NOL4L: variants seen among roughly 807,000 people sequenced by gnomAD.
NOL4L encodes the protein nucleolar protein 4-like.
NOL4L carries 7 observed loss-of-function variants against 64.5 expected under a neutral mutation model. That is an observed-to-expected ratio of 0.11 (90% CI 0.06 to 0.20). The LOEUF (loss-of-function observed/expected upper bound fraction) is 0.20. Among genes scored for constraint, NOL4L ranks in the 10% least tolerant of loss-of-function variants. The pLI is 1.00. For missense variants in NOL4L, 680 were observed against 967.1 expected (o/e 0.70, Z 3.94); for synonymous variants, 413 against 401.0 (o/e 1.03, Z -0.36).
chr20:32,536,246 G>A (rs2018518668), intron 1 of NOL4L: 9 of 985,448 alleles, frequency 9.1e-6, no homozygotes, highest in Middle Eastern at 5.2e-4. Context: ...CCGAAGGGGG[G>A]GTCCTAGGCG....
intron 1 of NOL4L, among the ~76,000 whole-genome samples, chr20:32,566,561 G>A (rs552770330): frequency 6.6e-6 from 1 of 152,248 alleles, no homozygotes; most frequent in South Asian, 2.1e-4. Context: ...TGGCCTCCTT[G>A]CAGTTCCTCA....
intron 10 of NOL4L, among the ~76,000 whole-genome samples, chr20:32,451,023 G>A (rs1461682789): frequency 2.6e-5 from 4 of 152,152 alleles, no homozygotes; most frequent in African/African-American, 4.8e-5. Context: ...AGGCAGCCTG[G>A]GCTTCCTGCC....
At chr20:32,485,058 CAAAAAAAAAAAAAAA>C (rs57444583) in intron 4 of NOL4L, among the ~76,000 whole-genome samples, 9 of 17,808 alleles carry the variant, frequency 5.1e-4, no homozygotes, top group East Asian at 5.3e-3. Flanking sequence ...GGGAAATTGC[CAAAAAAAAAAAAAAA>C]AAAAAAAAAA....
chr20:32,497,415 G>A (rs293552), intron 4 of NOL4L, among the ~76,000 whole-genome samples: 18,030 of 152,156 alleles, frequency 0.12, 1,594 homozygotes, highest in African/African-American at 0.24. Flanking sequence ...TGAGCTGCCT[G>A]AGTTTCAGTG....
intron 5 of NOL4L, among the ~76,000 whole-genome samples, chr20:32,462,085 C>T (rs1429446093): frequency 2.0e-5 from 3 of 152,136 alleles, no homozygotes; most frequent in Non-Finnish European, 2.9e-5. Context: ...ACTCCTGCTG[C>T]GATGGCTGGG....
intron 4 of NOL4L, among the ~76,000 whole-genome samples, chr20:32,506,236 C>T (rs1212091591): frequency 3.9e-5 from 6 of 152,160 alleles, no homozygotes; most frequent in South Asian, 4.1e-4. Context: ...GGGGCTTCCT[C>T]GGAGTCCTGG....
intron 1 of NOL4L, among the ~76,000 whole-genome samples, chr20:32,562,006 A>C (rs1464423536): frequency 6.6e-6 from 1 of 152,124 alleles, no homozygotes; most frequent in African/African-American, 2.4e-5. Flanking sequence ...TAAACAAATA[A>C]ATAAATAAAA....
At chr20:32,503,967 T>C (rs1341150902) in intron 4 of NOL4L, among the ~76,000 whole-genome samples, 1 of 152,216 alleles carries the variant, frequency 6.6e-6, no homozygotes, top group Non-Finnish European at 1.5e-5. Context: ...AGAAGGCCCA[T>C]CTGAGCTTTT....
At chr20:32,547,560 G>A (rs776619154) in intron 1 of NOL4L, among the ~76,000 whole-genome samples, 13 of 152,120 alleles carry the variant, frequency 8.5e-5, no homozygotes, top group African/African-American at 3.1e-4. Context: ...CATAGTTCAG[G>A]GATTACAGGC....
intron 5 of NOL4L, among the ~76,000 whole-genome samples, chr20:32,462,088 T>C (rs1443113351): frequency 6.6e-6 from 1 of 152,098 alleles, no homozygotes; most frequent in African/African-American, 2.4e-5. Flanking sequence ...CCTGCTGCGA[T>C]GGCTGGGAAG....
rs1451490461 is a variant in NOL4L at position 32,445,308 on chromosome 20, G to A, written c.*2288C>T. On this transcript the variant is annotated 3_prime_UTR_variant, in exon 11 of 11. Coordinates refer to ENST00000621426, the MANE Select transcript of NOL4L (RefSeq NM_001256798.2). ...AGATCTAATCCTTGTGTGGGTAGGGGGAGGGAGCCCCTTCCCCAGTCTTTC... is the reference window on the plus strand; with the variant it reads ...AGATCTAATCCTTGTGTGGGTAGGGAGAGGGAGCCCCTTCCCCAGTCTTTC... 6.6e-6 allele frequency: 1 copy of A among 152,212 alleles called. No homozygotes were observed. The highest frequency in any genetic ancestry group is 1.5e-5 in the Non-Finnish European group (1 of 68,034). The allele number at this position is 152,212 out of a possible 1,614,324, so 9.4% of individuals were successfully genotyped here.
intron 1 of NOL4L, among the ~76,000 whole-genome samples, chr20:32,542,206 A>G (rs2018667239): frequency 6.6e-6 from 1 of 152,238 alleles, no homozygotes; most frequent in African/African-American, 2.4e-5. Flanking sequence ...CTGCTAGTCC[A>G]GGTTTCGGGG....
chr20:32,556,092 G>A (rs1056387110), intron 1 of NOL4L, among the ~76,000 whole-genome samples: 14 of 152,230 alleles, frequency 9.2e-5, no homozygotes, highest in African/African-American at 3.4e-4. Flanking sequence ...AGTGCCAGGT[G>A]CATAGTAGGC....
intron 4 of NOL4L, among the ~76,000 whole-genome samples, chr20:32,508,965 C>T (rs1189057791): frequency 6.6e-6 from 1 of 152,194 alleles, no homozygotes; most frequent in Non-Finnish European, 1.5e-5. Flanking sequence ...CTCCCTTGAG[C>T]CACAAGGCCT....
chr20:32,570,246 C>T (rs916034389), intron 1 of NOL4L, among the ~76,000 whole-genome samples: 3 of 152,108 alleles, frequency 2.0e-5, no homozygotes, highest in East Asian at 3.9e-4. Context: ...TCAATGACAC[C>T]GTCATTCCCA....
intron 4 of NOL4L, among the ~76,000 whole-genome samples, chr20:32,497,056 CA>C (rs11167170): frequency 0.11 from 8,539 of 76,636 alleles, 231 homozygotes; most frequent in Non-Finnish European, 0.15. Flanking sequence ...CTCCTACCCT[CA>C]AAAAAAAAAA....
intron 4 of NOL4L, among the ~76,000 whole-genome samples, chr20:32,484,027 C>T (rs1316187280): frequency 6.7e-6 from 1 of 150,136 alleles, no homozygotes; most frequent in African/African-American, 2.5e-5. Context: ...GCTGCGGTCT[C>T]TGGGTCCGGT....
intron 1 of NOL4L, among the ~76,000 whole-genome samples, chr20:32,538,179 G>A (rs1440288407): frequency 1.3e-5 from 2 of 152,186 alleles, no homozygotes; most frequent in Non-Finnish European, 2.9e-5. Context: ...TCCCAGGTAG[G>A]TGAACCAAGA....
chr20:32,569,707 T>C (rs1979643730), intron 1 of NOL4L, among the ~76,000 whole-genome samples: 1 of 152,044 alleles, frequency 6.6e-6, no homozygotes, highest in African/African-American at 2.4e-5. Flanking sequence ...CACCAGCCCC[T>C]AGGCTGCCCC....
Sources: allele counts gnomAD v4.1 joint callset (sites outside exome capture counted in the v4.1 genomes callset), GRCh38; gene constraint gnomAD v4.1.1; transcripts MANE v1.5; gene names NCBI Gene and HGNC (gene_info 2026-07-23, HGNC 2026-07-21).